The following BAZ2B variants were observed in gnomAD, a reference collection of about 807,000 sequenced individuals.
BAZ2B encodes the protein bromodomain adjacent to zinc finger domain 2B.
A neutral mutation model predicts 246.0 loss-of-function variants in BAZ2B; 91 were observed. The ratio of observed to expected loss-of-function variants is 0.37; its 90% CI spans 0.31 to 0.44. The LOEUF is 0.44. Among genes scored for constraint, BAZ2B ranks in the 20% least tolerant of loss-of-function variants. The probability of loss-of-function intolerance (pLI) is 1.00; values close to 1 mark genes in which losing one functional copy is unlikely to be tolerated. For missense variants in BAZ2B, 2,332 were observed against 2,533.7 expected (o/e 0.92, Z 1.71); for synonymous variants, 855 against 860.0 (o/e 0.99, Z 0.10).
intron 1 of BAZ2B, among the ~76,000 whole-genome samples, chr2:159,591,155 T>TA (rs1157586762): frequency 1.3e-5 from 2 of 152,314 alleles, no homozygotes; most frequent in African/African-American, 4.8e-5. Context: ...AATCACATTA[T>TA]AAACATTTAA....
At position 159,412,857 on chromosome 2, in the gene BAZ2B, A is replaced by G. The variant is rs552502489; in HGVS notation, c.2467-312T>C. Among the ~76,000 whole-genome samples the G allele has an allele frequency of 2.6e-5, 4 of 152,328 alleles. No homozygotes were observed. In the East Asian group the frequency reaches 5.8e-4, roughly 22 times the overall value. On this transcript the variant is annotated intron_variant, in intron 13 of 36. Coordinates refer to ENST00000392783, the MANE Select transcript of BAZ2B (RefSeq NM_013450.4). The stretch of plus-strand genomic sequence containing the variant: ...TATAATGACCATCGAGTTAGCAGAT[A>G]TTTAAAAATGTTAGTTGTACAATGA...
At chr2:159,389,577 C>T (rs1328391964) in intron 20 of BAZ2B, 92 bp from the exon 21 acceptor site, 13 of 1,168,670 alleles carry the variant, frequency 1.1e-5, no homozygotes, top group African/African-American at 1.6e-5. Context: ...AATTATTTTG[C>T]TTTTCATTAA....
the BAZ2B span, among the ~76,000 whole-genome samples, chr2:159,621,800 C>A: frequency 0.066 from 9,868 of 150,444 alleles, 445 homozygotes; most frequent in East Asian, 0.23. Context: ...CCTGTCTCTA[C>A]AAAAAAAATT....
chr2:159,492,683 A>G (rs1221888636), intron 2 of BAZ2B, among the ~76,000 whole-genome samples: 1 of 152,252 alleles, frequency 6.6e-6, no homozygotes, highest in East Asian at 1.9e-4. Context: ...CACTGTAACT[A>G]TTAAGTTATA....
At chr2:159,701,071 C>T in the BAZ2B span, among the ~76,000 whole-genome samples, 20 of 152,166 alleles carry the variant, frequency 1.3e-4, no homozygotes, top group South Asian at 1.5e-3. Flanking sequence ...TACAAAACTT[C>T]GTTTTACTAT....
intron 4 of BAZ2B, 29 bp downstream of exon 4, chr2:159,453,584 C>T: frequency 6.4e-7 from 1 of 1,553,868 alleles, no homozygotes; most frequent in Middle Eastern, 1.8e-4. Context: ...TCCTCCTTCC[C>T]TTGAACACTG....
chr2:159,546,725 G>A (rs988799062), intron 2 of BAZ2B, among the ~76,000 whole-genome samples: 1 of 151,666 alleles, frequency 6.6e-6, no homozygotes, highest in African/African-American at 2.4e-5. Context: ...CTAAGAATAT[G>A]CTCATACTGA....
At chr2:159,505,635 T>G (rs2082254205) in intron 2 of BAZ2B, among the ~76,000 whole-genome samples, 1 of 152,002 alleles carries the variant, frequency 6.6e-6, no homozygotes, top group African/African-American at 2.4e-5. Context: ...AAAGAAAATA[T>G]CTGCTAATAT....
chr2:159,353,554 G>C (rs2058775431), intron 27 of BAZ2B, among the ~76,000 whole-genome samples: 1 of 152,236 alleles, frequency 6.6e-6, no homozygotes, highest in Non-Finnish European at 1.5e-5. Context: ...CTGGAAGGGA[G>C]AGAGTTGCAC....
intron 19 of BAZ2B, 108 bp downstream of exon 19, chr2:159,397,237 T>C (rs1277570049): frequency 1.6e-6 from 2 of 1,239,120 alleles, no homozygotes; most frequent in Non-Finnish European, 2.2e-6. Flanking sequence ...TAAGCAGAAA[T>C]TATATCAGAA....
At chr2:159,652,211 CT>C in the BAZ2B span, among the ~76,000 whole-genome samples, 66,652 of 138,760 alleles carry the variant, frequency 0.48, 15,187 homozygotes, top group Middle Eastern at 0.58. Context: ...TTGTTACTCT[CT>C]TTTTTTTTTT....
In BAZ2B at chr2:159,347,598, T is replaced by A; in HGVS notation, c.5342A>T (p.Asp1781Val). 6.2e-7 allele frequency: 1 copy of A among 1,612,782 alleles called. No homozygotes were observed. The highest frequency in any genetic ancestry group is 8.5e-7 in the Non-Finnish European group (1 of 1,179,038). The change falls in exon 31 of 37, where the codon GAT (aspartate) becomes GTT (valine). Residue 1781 changes from aspartate to valine, a missense_variant. Physicochemically the swap from Asp to Val is radical, Grantham distance 152 (BLOSUM62 -3). Around this residue, in one of 9 missense-constraint regions of BAZ2B, gnomAD observed 676 missense variants for 668.6 expected, o/e 1.01. Transcript: ENST00000392783. ...NENEENQVTR[D>V]IVENWSVEEQ... ...TTCTACTGACCAGTTCTCCACAATA[T>A]CTCGAGTTACTTGGTTTTCTTCATT... is the stretch of plus-strand genomic sequence containing the variant.
At chr2:159,563,005 A>G (rs1453650855) in intron 1 of BAZ2B, among the ~76,000 whole-genome samples, 3 of 152,154 alleles carry the variant, frequency 2.0e-5, no homozygotes, top group African/African-American at 4.8e-5. Flanking sequence ...TCAAAAATCA[A>G]TTTCAGACTA....
intron 1 of BAZ2B, among the ~76,000 whole-genome samples, chr2:159,593,362 A>C (rs973937700): frequency 6.6e-6 from 1 of 152,190 alleles, no homozygotes; most frequent in Non-Finnish European, 1.5e-5. Context: ...GCGAGGAAAA[A>C]TTATGGAAGA....
At chr2:159,605,603 A>C (rs1381346804) in intron 1 of BAZ2B, among the ~76,000 whole-genome samples, 1 of 152,136 alleles carries the variant, frequency 6.6e-6, no homozygotes. Flanking sequence ...CATTATAAAA[A>C]AAAAACAGCT....
intron 25 of BAZ2B, among the ~76,000 whole-genome samples, chr2:159,380,373 A>G (rs1352121058): frequency 6.6e-6 from 1 of 152,204 alleles, no homozygotes; most frequent in African/African-American, 2.4e-5. Flanking sequence ...CTGTGTTGAC[A>G]CTGGTTACCA....
chr2:159,552,049 A>G (rs1169727768), intron 2 of BAZ2B, among the ~76,000 whole-genome samples: 4 of 152,208 alleles, frequency 2.6e-5, no homozygotes. Context: ...CCCCAAGTCC[A>G]TGTCCTTAAC....
the BAZ2B span, among the ~76,000 whole-genome samples, chr2:159,622,199 G>T: frequency 7.3e-6 from 1 of 136,580 alleles, no homozygotes; most frequent in East Asian, 2.3e-4. Flanking sequence ...AGTCCAAGAG[G>T]TCAAGGCTGA....
the BAZ2B span, among the ~76,000 whole-genome samples, chr2:159,638,269 A>C: frequency 6.6e-6 from 1 of 152,234 alleles, no homozygotes; most frequent in Non-Finnish European, 1.5e-5. Context: ...ACTTCTCAAG[A>C]ACGACAGGCA....
Sources: allele counts gnomAD v4.1 joint callset (sites outside exome capture counted in the v4.1 genomes callset), GRCh38; gene constraint gnomAD v4.1.1; regional missense constraint gnomAD v4.1.1; transcripts MANE v1.5; gene names NCBI Gene and HGNC (gene_info 2026-07-23, HGNC 2026-07-21).